OTUD3: variants seen among roughly 807,000 people sequenced by gnomAD.
OTUD3 encodes OTU deubiquitinase 3.
In OTUD3, 24 loss-of-function variants were observed where a neutral mutation model predicts 46.2. The observed-to-expected ratio is 0.52, with a 90% confidence interval of 0.38 to 0.73. OTUD3 has a LOEUF of 0.73. Ranked by LOEUF, OTUD3 falls within the 30% of genes least tolerant of loss-of-function variation. OTUD3 has a pLI of 0.00. For synonymous variants in OTUD3, 189 were observed against 195.4 expected (o/e 0.97, Z 0.27); for missense variants, 455 against 523.3 (o/e 0.87, Z 1.27).
Position 19,882,499 on chromosome 1 carries a change from C to G in OTUD3, c.-15C>G. ...CGCCTTTCCCTCCTGCCGCTGGGGA[C>G]TGCAGGCTAAGGCCATGTCCCGAAA... is the stretch of plus-strand genomic sequence containing the variant. On this transcript the variant is annotated 5_prime_UTR_variant, in exon 1 of 8. Coordinates refer to ENST00000375120, the MANE Select transcript of OTUD3 (RefSeq NM_015207.2). 2.2e-6 allele frequency: 3 copies of G among 1,357,180 alleles called. No homozygotes were observed. The highest frequency in any genetic ancestry group is 2.8e-6 in the Non-Finnish European group (3 of 1,061,026). 84.1% of individuals were successfully genotyped at this position (1,357,180 alleles called of 1,614,324 possible).
chr1:19,883,672 G>C (rs2045311486), intron 1 of OTUD3, among the ~76,000 whole-genome samples: 1 of 122,770 alleles, frequency 8.1e-6, no homozygotes, highest in Non-Finnish European at 1.9e-5. Flanking sequence ...TAGAGACGGT[G>C]ATTTTGCTGT....
At position 19,911,174 on chromosome 1, in the gene OTUD3, G is replaced by C. The variant is rs903684025; in HGVS notation, c.*3428G>C. 2.0e-5 allele frequency: 3 copies of C among 152,198 alleles called. No individual in the cohort carries two copies. The highest frequency in any genetic ancestry group is 4.4e-5 in the Non-Finnish European group (3 of 68,036). 9.4% of individuals were successfully genotyped at this position (152,198 alleles called of 1,614,324 possible). A position where few individuals can be genotyped will look rare whatever the true frequency, so the allele number is the denominator to read the frequency against. On this transcript the variant is annotated 3_prime_UTR_variant, in exon 8 of 8. Transcript: ENST00000375120. ...TGGCCCTCTTCGACTCCCGTTTTGG[G>C]TAGATGCGTAGCTCTTCACTTTCTT...
intron 5 of OTUD3, 118 bp from the exon 6 acceptor site, chr1:19,904,773 A>G: frequency 1.6e-6 from 1 of 635,434 alleles, no homozygotes; most frequent in Admixed American, 2.9e-5. Flanking sequence ...AGGTCCTGAA[A>G]CCTTGTGTTA....
intron 3 of OTUD3, 98 bp from the exon 4 acceptor site, chr1:19,897,442 T>G: frequency 1.5e-6 from 2 of 1,302,080 alleles, no homozygotes; most frequent in Non-Finnish European, 2.2e-6. Context: ...CTCATAGACC[T>G]GCTGACTGGG....
chr1:19,904,257 T>G lies in OTUD3; in HGVS notation c.607-10T>G, dbSNP rs528393791. On this transcript the variant is annotated splice_polypyrimidine_tract_variant and intron_variant, in intron 4 of 7. Coordinates refer to ENST00000375120, the MANE Select transcript of OTUD3 (RefSeq NM_015207.2). ...AACATAGTTCCCTGATTATTACTTG[T>G]TTCCTTTAGTTTCAGATGCTTCATC... is the stretch of plus-strand genomic sequence containing the variant. The G allele has an allele frequency of 1.3e-6, 2 of 1,584,212 alleles. No individual in the cohort carries two copies. The highest frequency in any genetic ancestry group is 2.3e-5 in the South Asian group (2 of 86,136).
rs923287613 is a variant in OTUD3 at position 19,882,838 on chromosome 1, C to A, written c.221+104C>A. 16 of 1,059,080 alleles carry A rather than the reference C, an allele frequency of 1.5e-5. 1 individual carries two copies. The highest frequency in any genetic ancestry group is 3.5e-4 in the Middle Eastern group (1 of 2,880). 65.6% of individuals were successfully genotyped at this position (1,059,080 alleles called of 1,614,324 possible). On this transcript the variant is annotated intron_variant, in intron 1 of 7. Transcript: ENST00000375120. Reference sequence around the variant, plus strand: ...CCATCCATCCATTCATTCGGGCGGCCCGGGCGCCTCCCGCGAGCCAGCCAC... The same window carrying A: ...CCATCCATCCATTCATTCGGGCGGCACGGGCGCCTCCCGCGAGCCAGCCAC...
In OTUD3 at chr1:19,906,593, G is replaced by A. The variant is rs10916668; in HGVS notation, c.997G>A (p.Ala333Thr). 110,038 of 1,611,184 alleles carry A rather than the reference G, an allele frequency of 0.068. 4,612 individuals carry two copies. Among genetic ancestry groups the A allele is most frequent in the Admixed American group, 0.17 (10,129 of 59,572 alleles). The part of the protein sequence containing the change: ...AQASPSEENK[A>T]NKNQLAKVTN... The stretch of plus-strand genomic sequence containing the variant: ...GGCCAGCCCTAGTGAAGAAAACAAA[G>A]CAAATAAAAACCAGCTCGCAAAGGT... Residue 333 changes from alanine to threonine, a missense_variant, in exon 7 of 8, where the codon GCA becomes ACA. Physicochemically the swap from Ala to Thr is moderately conservative, Grantham distance 58. Coordinates refer to ENST00000375120, the MANE Select transcript of OTUD3 (RefSeq NM_015207.2).
chr1:19,894,513 T>C, intron 3 of OTUD3, 33 bp downstream of exon 3: 1 of 1,261,526 alleles, frequency 7.9e-7, no homozygotes, highest in Non-Finnish European at 1.1e-6. Flanking sequence ...TATCTTAAGC[T>C]CTTATTTCTA....
intron 3 of OTUD3, among the ~76,000 whole-genome samples, chr1:19,896,707 A>G (rs1400069207): frequency 6.6e-6 from 1 of 152,228 alleles, no homozygotes; most frequent in Non-Finnish European, 1.5e-5. Flanking sequence ...TAAACAAAGG[A>G]ACCATTACTG....
At chr1:19,895,662 T>C (rs996961993) in intron 3 of OTUD3, among the ~76,000 whole-genome samples, 2 of 152,258 alleles carry the variant, frequency 1.3e-5, no homozygotes, top group Non-Finnish European at 2.9e-5. Context: ...GCTTGTGTTC[T>C]TTGGGGCAGT....
intron 4 of OTUD3, among the ~76,000 whole-genome samples, chr1:19,898,478 C>G (rs2045545506): frequency 6.6e-6 from 1 of 151,734 alleles, no homozygotes; most frequent in Non-Finnish European, 1.5e-5. Flanking sequence ...CCTGTAATCC[C>G]AGCACTTTGG....
chr1:19,900,916 G>GT (rs990933093), intron 4 of OTUD3, among the ~76,000 whole-genome samples: 5,857 of 115,710 alleles, frequency 0.051, 419 homozygotes, highest in African/African-American at 0.12. Context: ...TTTTTTTTTT[G>GT]TTTTTTTTTT....
chr1:19,897,677 G>C lies in OTUD3; in HGVS notation c.606+15G>C. 6.2e-7 allele frequency: 1 copy of C among 1,610,270 alleles called. No individual in the cohort carries two copies. Among genetic ancestry groups the C allele is most frequent in the South Asian group, 1.1e-5 (1 of 90,644 alleles). On this transcript the variant is annotated intron_variant, in intron 4 of 7. Transcript: ENST00000375120. ...TCCAGACGGATGTGAGTGAGGCCTC[G>C]GATTTCTCCCGTATTCCCCGCCCTA...
In OTUD3 at chr1:19,882,667, GAGTTCGTCAGCTTCGCCAACCAGCTGC is replaced by G. The variant is rs1169162858; in HGVS notation, c.157_183del (p.Phe53_Gln61del). 1 of 1,459,168 alleles carries G rather than the reference GAGTTCGTCAGCTTCGCCAACCAGCTGC, an allele frequency of 6.9e-7. No homozygotes were observed. Among genetic ancestry groups the G allele is most frequent in the East Asian group, 3.0e-5 (1 of 33,090 alleles). 90.4% of individuals were successfully genotyped at this position (1,459,168 alleles called of 1,614,324 possible). A position where few individuals can be genotyped will look rare whatever the true frequency, so the allele number is the denominator to read the frequency against. ...TGGCGGCGGCGGCGGCTGCGAGGAG[GAGTTCGTCAGCTTCGCCAACCAGCTGC>G]AGGCCCTGGGGCTGAAGCTGCGGGA... On this transcript the variant is annotated inframe_deletion, in exon 1 of 8. Coordinates refer to ENST00000375120, the MANE Select transcript of OTUD3 (RefSeq NM_015207.2).
chr1:19,900,089 C>A (rs963223310), intron 4 of OTUD3, among the ~76,000 whole-genome samples: 1 of 152,062 alleles, frequency 6.6e-6, no homozygotes, highest in African/African-American at 2.4e-5. Context: ...AAATTTGTTA[C>A]GATTTTCTTA....
chr1:19,908,898 A>C lies in OTUD3; in HGVS notation c.*1152A>C, dbSNP rs1457001319. ...TTGGACCAGCAGGGTTGGTTGACTT[A>C]GGTTGGACCAGCAGAGAAGAGAACA... On this transcript the variant is annotated 3_prime_UTR_variant, in exon 8 of 8. Coordinates refer to ENST00000375120, the MANE Select transcript of OTUD3 (RefSeq NM_015207.2). 1 of 152,364 alleles carries C rather than the reference A, an allele frequency of 6.6e-6. No homozygotes were observed. The allele number at this position is 152,364 out of a possible 1,614,324, so 9.4% of individuals were successfully genotyped here.
intron 4 of OTUD3, among the ~76,000 whole-genome samples, chr1:19,902,767 T>G (rs999578250): frequency 2.0e-5 from 3 of 152,152 alleles, no homozygotes; most frequent in Non-Finnish European, 4.4e-5. Flanking sequence ...AGTTACAGAA[T>G]TATATCATCT....
chr1:19,893,553 A>G (rs982385583), intron 2 of OTUD3, among the ~76,000 whole-genome samples: 5 of 152,132 alleles, frequency 3.3e-5, no homozygotes, highest in African/African-American at 1.2e-4. Context: ...TGTTTTGCTT[A>G]TTGATTTACT....
chr1:19,883,794 G>A (rs1396878629), intron 1 of OTUD3, among the ~76,000 whole-genome samples: 1 of 152,176 alleles, frequency 6.6e-6, no homozygotes, highest in Non-Finnish European at 1.5e-5. Context: ...AATTGCCTTA[G>A]ATATTAACTG....
Sources: gnomAD v4.1 joint callset for allele counts (sites outside exome capture counted in the v4.1 genomes callset) on GRCh38, gnomAD v4.1.1 for gene constraint, MANE v1.5 for transcripts, NCBI Gene and HGNC (gene_info 2026-07-23, HGNC 2026-07-21) for gene names.